Variants in ASPH observed in about 807,000 individuals in gnomAD.
The protein encoded by ASPH is aspartate beta-hydroxylase, also known as aspartyl/asparaginyl beta-hydroxylase.
ASPH carries 100 observed loss-of-function variants against 118.4 expected under a neutral mutation model. That is an observed-to-expected ratio of 0.84 (90% CI 0.72 to 1.00). ASPH has a LOEUF of 1.00. ASPH is among the 50% of genes least tolerant of loss of function. ASPH has a pLI of 0.00. For synonymous variants in ASPH, 315 were observed against 325.6 expected (o/e 0.97, Z 0.35); for missense variants, 920 against 919.5 (o/e 1.00, Z -0.01).
At chr8:61,662,122 TAGA>T (rs1327562119) in intron 3 of ASPH, among the ~76,000 whole-genome samples, 2 of 152,122 alleles carry the variant, frequency 1.3e-5, no homozygotes, top group Non-Finnish European at 2.9e-5. Flanking sequence ...TATTAAAGGA[TAGA>T]AGATCATCCT....
At chr8:61,711,452 G>A (rs1237166044) in intron 1 of ASPH, among the ~76,000 whole-genome samples, 2 of 151,894 alleles carry the variant, frequency 1.3e-5, no homozygotes, top group African/African-American at 4.8e-5. Context: ...ATTTATTCAT[G>A]TTTCTTTTAT....
At chr8:61,712,521 A>G (rs1401508472) in intron 1 of ASPH, among the ~76,000 whole-genome samples, 1 of 152,222 alleles carries the variant, frequency 6.6e-6, no homozygotes. Flanking sequence ...TCCCTTTTAC[A>G]TATTCTTTTA....
At chr8:61,644,574 A>G in intron 7 of ASPH, 26 bp downstream of exon 7, 1 of 1,555,272 alleles carries the variant, frequency 6.4e-7, no homozygotes, top group South Asian at 1.3e-5. Flanking sequence ...ACTCTAATTA[A>G]GAACAGAATT....
chr8:61,677,473 A>C (rs979574949), intron 3 of ASPH, among the ~76,000 whole-genome samples: 1 of 151,870 alleles, frequency 6.6e-6, no homozygotes, highest in African/African-American at 2.4e-5. Context: ...CAATGTCTCC[A>C]TGTAGTATAA....
intron 1 of ASPH, among the ~76,000 whole-genome samples, chr8:61,707,063 T>C (rs1172187585): frequency 1.3e-5 from 2 of 152,228 alleles, no homozygotes; most frequent in Non-Finnish European, 2.9e-5. Context: ...ATCTGTGTTA[T>C]GTGTCTTACA....
At chr8:61,650,966 A>C in intron 5 of ASPH, 84 bp downstream of exon 5, 1 of 1,400,280 alleles carries the variant, frequency 7.1e-7, no homozygotes, top group Non-Finnish European at 9.8e-7. Flanking sequence ...TAACCTTTAA[A>C]TTTTAAAACA....
intron 15 of ASPH, chr8:61,579,056 G>A: frequency 6.2e-7 from 1 of 1,611,146 alleles, no homozygotes; most frequent in East Asian, 2.2e-5. Context: ...CTGAGGCTGA[G>A]AGCATGTACC....
chr8:61,622,286 C>T (rs1564046001), intron 13 of ASPH, among the ~76,000 whole-genome samples: 1 of 152,130 alleles, frequency 6.6e-6, no homozygotes, highest in Non-Finnish European at 1.5e-5. Context: ...TATAGTGAGC[C>T]GAGATTGCAC....
At chr8:61,555,751 T>C (rs1038140864) in intron 19 of ASPH, among the ~76,000 whole-genome samples, 173 bp downstream of exon 19, 3 of 152,238 alleles carry the variant, frequency 2.0e-5, no homozygotes, top group African/African-American at 7.2e-5. Flanking sequence ...TCTGACACTT[T>C]TGGTTACAGT....
At chr8:61,624,541 ATTC>A (rs749594083) in intron 13 of ASPH, 1 of 969,150 alleles carries the variant, frequency 1.0e-6, no homozygotes, top group Non-Finnish European at 1.2e-6. Context: ...AATATAGAGA[ATTC>A]TTCTGTATTT....
chr8:61,676,198 A>C (rs1191548397), intron 3 of ASPH: 12 of 1,599,062 alleles, frequency 7.5e-6, no homozygotes, highest in East Asian at 6.7e-5. Context: ...TTTCAAAAGG[A>C]GTCATTATAT....
intron 13 of ASPH, among the ~76,000 whole-genome samples, chr8:61,627,928 G>A (rs1297684439): frequency 6.6e-6 from 1 of 151,996 alleles, no homozygotes; most frequent in African/African-American, 2.4e-5. Context: ...TAGGAACGTG[G>A]ACTCCTCTCC....
intron 13 of ASPH, chr8:61,624,785 C>T: frequency 1.0e-6 from 1 of 985,620 alleles, no homozygotes; most frequent in Non-Finnish European, 1.2e-6. Flanking sequence ...CCTTAGTTTC[C>T]CTAAAAAAAT....
intron 5 of ASPH, among the ~76,000 whole-genome samples, chr8:61,649,504 A>G (rs1160622078): frequency 6.6e-6 from 1 of 152,192 alleles, no homozygotes; most frequent in East Asian, 1.9e-4. Context: ...TATATATTTA[A>G]AAGTTATCAA....
chr8:61,649,026 A>C (rs1809539232), intron 5 of ASPH, among the ~76,000 whole-genome samples: 1 of 152,180 alleles, frequency 6.6e-6, no homozygotes, highest in African/African-American at 2.4e-5. Flanking sequence ...AAAGTCACTG[A>C]AGGGGAAAAA....
chr8:61,508,426 CT>C (rs1807484682), intron 24 of ASPH, among the ~76,000 whole-genome samples: 1 of 152,084 alleles, frequency 6.6e-6, no homozygotes, highest in Non-Finnish European at 1.5e-5. Flanking sequence ...CTGTCAACTT[CT>C]CAAATTATTA....
intron 1 of ASPH, among the ~76,000 whole-genome samples, chr8:61,709,040 A>G (rs537483041): frequency 6.6e-6 from 1 of 152,308 alleles, no homozygotes; most frequent in South Asian, 2.1e-4. Flanking sequence ...CTTTTTAAAA[A>G]GAGTTATTCA....
intron 3 of ASPH, among the ~76,000 whole-genome samples, chr8:61,669,055 A>G (rs1821085256): frequency 6.6e-6 from 1 of 152,176 alleles, no homozygotes; most frequent in Admixed American, 6.5e-5. Context: ...TCTTAGGCAC[A>G]TTAGGGTTGG....
intron 15 of ASPH, chr8:61,579,378 G>T: frequency 6.2e-7 from 1 of 1,614,112 alleles, no homozygotes; most frequent in Non-Finnish European, 8.5e-7. Flanking sequence ...CCTGGACATC[G>T]AGATCGCCAC....
Sources: gnomAD v4.1 joint callset for allele counts (sites outside exome capture counted in the v4.1 genomes callset) on GRCh38, gnomAD v4.1.1 for gene constraint, MANE v1.5 for transcripts, NCBI Gene and HGNC (gene_info 2026-07-23, HGNC 2026-07-21) for gene names.